The following CIC variants were observed in gnomAD, a reference collection of about 807,000 sequenced individuals.
CIC encodes the protein capicua transcriptional repressor.
Under a neutral mutation model 115.7 loss-of-function variants are expected in CIC, and 18 were observed. The ratio of observed to expected loss-of-function variants is 0.16; its 90% CI spans 0.11 to 0.23. The LOEUF is 0.23. Ranked by LOEUF, CIC falls within the 10% of genes least tolerant of loss-of-function variation. The pLI is 1.00. For synonymous variants in CIC, 1,076 were observed against 923.0 expected (o/e 1.17, Z -3.01); for missense variants, 2,000 against 2,159.3 (o/e 0.93, Z 1.46).
In CIC at chr19:42,289,296, C is replaced by T. The variant is rs200659564; in HGVS notation, c.3977C>T (p.Pro1326Leu). Residue 1326 changes from proline (P) to leucine (L), a missense_variant, in exon 9 of 21, where the codon CCG becomes CTG. Pro to Leu is a moderately conservative substitution (Grantham distance 98). Transcript: ENST00000681038. ...GGALAATGRP[P>L]LLPTRASRSQ... Reference sequence around the variant, plus strand: ...GCCTTGGCGGCCACTGGGCGGCCCCCGCTGCTGCCCACCCGAGCTTCTCGT... The same window carrying T: ...GCCTTGGCGGCCACTGGGCGGCCCCTGCTGCTGCCCACCCGAGCTTCTCGT... The T allele has an allele frequency of 1.2e-5, 20 of 1,613,978 alleles. No individual in the cohort carries two copies. The highest frequency in any genetic ancestry group is 5.5e-5 in the South Asian group (5 of 91,090).
chr19:42,278,363 T>C (rs983529397), intron 2 of CIC, among the ~76,000 whole-genome samples: 1 of 152,240 alleles, frequency 6.6e-6, no homozygotes, highest in Non-Finnish European at 1.5e-5. Flanking sequence ...CTCCTGGGCC[T>C]CTGTCTGGCG....
At position 42,295,771 on chromosome 19, in the gene CIC, G is replaced by A. The variant is rs755085781; in HGVS notation, c.*580G>A. The A allele has an allele frequency of 1.2e-4, 26 of 211,458 alleles. No homozygotes were observed. The highest frequency in any genetic ancestry group is 2.1e-4 in the Non-Finnish European group (22 of 104,214). The allele number at this position is 211,458 out of a possible 1,614,324, so 13.1% of individuals were successfully genotyped here. On this transcript the variant is annotated 3_prime_UTR_variant, in exon 21 of 21. Transcript: ENST00000681038. ...TCTTACTGTGCCGAGAAGCCGCAAT[G>A]AGCGAGATTAAAGCTGTTTAACACA...
chr19:42,295,143 G>GGGGCGCCCCC lies in CIC; in HGVS notation c.7506_7507insGGGCGCCCCC (p.Pro2503GlyfsTer23). 1.4e-6 allele frequency: 2 copies of GGGGCGCCCCC among 1,382,732 alleles called. No homozygotes were observed. The highest frequency in any genetic ancestry group is 9.6e-7 in the Non-Finnish European group (1 of 1,037,820). The allele number at this position is 1,382,732 out of a possible 1,614,324, so 85.7% of individuals were successfully genotyped here. ...AGCCTGGCTGGGAGGGGGCTCCCCAGCCCTCCCCCCCACCCCCAGGTCCCT... is the reference window on the plus strand; with the variant it reads ...AGCCTGGCTGGGAGGGGGCTCCCCAGGGGCGCCCCCCCCTCCCCCCCACCCCCAGGTCCCT... On this transcript the variant is annotated frameshift_variant, in exon 21 of 21. Coordinates refer to ENST00000681038, the MANE Select transcript of CIC (RefSeq NM_001386298.1). LOFTEE classifies it high-confidence loss of function.
At chr19:42,289,981 T>A in intron 10 of CIC, 30 bp downstream of exon 10, 1 of 1,529,300 alleles carries the variant, frequency 6.5e-7, no homozygotes, top group Non-Finnish European at 9.0e-7. Context: ...TGCTGTCCCA[T>A]CACACTCCCT....
rs199576279 is a variant in CIC at position 42,290,386 on chromosome 19, G to C, written c.4345G>C (p.Ala1449Pro). 8.1e-6 allele frequency: 13 copies of C among 1,613,968 alleles called. No individual in the cohort carries two copies. Among genetic ancestry groups the C allele is most frequent in the Non-Finnish European group, 1.1e-5 (13 of 1,179,982 alleles). ...SAPSSSASSPASSSASAATSF... is the reference protein window; with the variant it reads ...SAPSSSASSPPSSSASAATSF... ...CCCATCCTCCTCTGCGTCCTCGCCT[G>C]CTTCCTCCTCAGCCTCGGCAGCCAC... The change falls in exon 11 of 21, where the codon GCT (alanine) becomes CCT (proline). Residue 1449 changes from alanine to proline, a missense_variant. Physicochemically the swap from Ala to Pro is conservative, Grantham distance 27. Transcript: ENST00000681038.
rs1181589598 is a variant in CIC at position 42,291,729 on chromosome 19, C to T, written c.5597C>T (p.Ala1866Val). 1 of 1,613,016 alleles carries T rather than the reference C, an allele frequency of 6.2e-7. No individual in the cohort carries two copies. The highest frequency in any genetic ancestry group is 1.1e-5 in the South Asian group (1 of 91,088). ...PPFSVPVQNGAQPPSKIIQLT... is the reference protein window; with the variant it reads ...PPFSVPVQNGVQPPSKIIQLT... ...TTCTCAGTACCTGTGCAGAATGGTG[C>T]CCAGCCCCCCAGCAAGGTGAGGGCC... Residue 1866 changes from alanine (A) to valine (V), a missense_variant, in exon 12 of 21, where the codon GCC (alanine) becomes GTC (valine). Transcript: ENST00000681038.
chr19:42,279,974 G>C (rs1362943507), intron 2 of CIC: 2 of 152,770 alleles, frequency 1.3e-5, no homozygotes, highest in Non-Finnish European at 2.9e-5. Flanking sequence ...CAGCAGGCGC[G>C]CGCATGCGCG....
rs1410729863 is a variant in CIC, at chr19:42,274,087, C to G, written c.2304C>G (p.Ser768=). The change falls in exon 2 of 21, where the codon TCC becomes TCG. Residue 768 remains serine, a synonymous_variant. Transcript: ENST00000681038. ...PSTPAGFRAV[S]PAVPFSRSRQ... ...CGCCGGCTGGCTTCCGGGCCGTGTC[C>G]CCTGCTGTGCCCTTCTCTCGCTCCC... The G allele has an allele frequency of 7.5e-6, 3 of 399,942 alleles. No homozygotes were observed. The highest frequency in any genetic ancestry group is 1.3e-5 in the Non-Finnish European group (3 of 226,950). The allele number at this position is 399,942 out of a possible 1,614,324, so 24.8% of individuals were successfully genotyped here.
chr19:42,293,728 G>C lies in CIC; in HGVS notation c.6659G>C (p.Ser2220Thr). ...VAPGGSSESS[S>T]GRAAGDTPER... ...CCTGGTGGCAGCAGCGAGAGCAGCA[G>C]TGGGCGGGCAGCCGGGGACACCCCG... Residue 2220 changes from serine to threonine, a missense_variant, in exon 17 of 21, where the codon AGT (serine) becomes ACT (threonine). Ser to Thr is a moderately conservative substitution (Grantham distance 58, BLOSUM62 1). Around this residue, in one of 8 missense-constraint regions of CIC, gnomAD observed 1,466 missense variants for 1,390.4 expected, o/e 1.05. Transcript: ENST00000681038. The C allele has an allele frequency of 6.2e-7, 1 of 1,612,954 alleles. No individual in the cohort carries two copies. The highest frequency in any genetic ancestry group is 8.5e-7 in the Non-Finnish European group (1 of 1,179,822).
intron 1 of CIC, among the ~76,000 whole-genome samples, chr19:42,271,332 C>A (rs1023845028): frequency 1.3e-5 from 2 of 152,208 alleles, no homozygotes; most frequent in African/African-American, 4.8e-5. Context: ...CAAGTTGTCT[C>A]ATCTTTTTGT....
At chr19:42,276,462 G>A (rs753215142) in intron 2 of CIC, among the ~76,000 whole-genome samples, 23 of 152,258 alleles carry the variant, frequency 1.5e-4, no homozygotes, top group Admixed American at 3.9e-4. Context: ...GGTAGGAGCC[G>A]CTGTGGCTTG....
intron 2 of CIC, among the ~76,000 whole-genome samples, chr19:42,285,138 A>G (rs1253775003): frequency 1.3e-5 from 2 of 152,108 alleles, no homozygotes; most frequent in Admixed American, 1.3e-4. Flanking sequence ...GACAGGGCTC[A>G]GGAAGCGAGT....
In CIC at chr19:42,273,831, C is replaced by T. The variant is rs917523856; in HGVS notation, c.2048C>T (p.Pro683Leu). 1.3e-5 allele frequency: 5 copies of T among 398,730 alleles called. No homozygotes were observed. Among genetic ancestry groups the T allele is most frequent in the African/African-American group, 4.1e-5 (2 of 48,606 alleles). The allele number at this position is 398,730 out of a possible 1,614,324, so 24.7% of individuals were successfully genotyped here. A position where few individuals can be genotyped will look rare whatever the true frequency, so the allele number is the denominator to read the frequency against. Reference sequence around the variant, plus strand: ...CCACCAGACCTGGGCCCCCACCCACCGCCACCTGCCCCCCGAGAGCGCCAC... The same window carrying T: ...CCACCAGACCTGGGCCCCCACCCACTGCCACCTGCCCCCCGAGAGCGCCAC... ...LTPPDLGPHP[P>L]PPAPRERHSS... Residue 683 changes from proline (P) to leucine (L), a missense_variant, in exon 2 of 21, where the codon CCG becomes CTG. Coordinates refer to ENST00000681038, the MANE Select transcript of CIC (RefSeq NM_001386298.1).
intron 11 of CIC, 28 bp downstream of exon 11, chr19:42,291,494 G>A (rs375429920): frequency 1.9e-6 from 3 of 1,613,136 alleles, no homozygotes; most frequent in African/African-American, 1.3e-5. Flanking sequence ...CAGCACTAGG[G>A]GAGGGGCCAT....
intron 12 of CIC, 45 bp from the exon 13 acceptor site, chr19:42,292,041 C>G (rs759010577): frequency 6.2e-7 from 1 of 1,612,160 alleles, no homozygotes; most frequent in Non-Finnish European, 8.5e-7. Flanking sequence ...CTGCCCCAGT[C>G]TGGGGCCACA....
At chr19:42,286,002 A>C (rs1262555510) in intron 2 of CIC, among the ~76,000 whole-genome samples, 3 of 152,196 alleles carry the variant, frequency 2.0e-5, no homozygotes, top group African/African-American at 4.8e-5. Flanking sequence ...CAAGGAGTTT[A>C]CCACACCCTC....
At position 42,281,358 on chromosome 19, in the gene CIC, T is replaced by A. The variant is rs558539749; in HGVS notation, c.2795-5413T>A. ...CATCCCTGGCTGCTCGCCCCAGGCC[T>A]CTGGGCAGGCCTCAGCCTGTACCGC... On this transcript the variant is annotated intron_variant, in intron 2 of 20. Transcript: ENST00000681038. 1.4e-4 allele frequency among the ~76,000 whole-genome samples: 22 copies of A among 152,298 alleles called. No individual in the cohort carries two copies. The East Asian group carries it at 4.3e-3, about 29-fold the overall frequency.
In CIC at chr19:42,292,072, G is replaced by A. The variant is rs968914980; in HGVS notation, c.5614-14G>A. ...CCACAGCTCACCCTGGCCTATGGGT[G>A]CCCTTCTCCACAGATCATCCAGCTG... On this transcript the variant is annotated splice_polypyrimidine_tract_variant and intron_variant, in intron 12 of 20. Coordinates refer to ENST00000681038, the MANE Select transcript of CIC (RefSeq NM_001386298.1). 10 of 1,613,312 alleles carry A rather than the reference G, an allele frequency of 6.2e-6. No homozygotes were observed. The highest frequency in any genetic ancestry group is 1.3e-5 in the African/African-American group (1 of 75,020).
At chr19:42,288,236 G>A (rs1017544545) in intron 7 of CIC, among the ~76,000 whole-genome samples, 16 of 152,264 alleles carry the variant, frequency 1.1e-4, no homozygotes, top group African/African-American at 2.9e-4. Context: ...GGCACTACAG[G>A]GAATATAAGC....
Sources: allele counts gnomAD v4.1 joint callset (sites outside exome capture counted in the v4.1 genomes callset), GRCh38; gene constraint gnomAD v4.1.1; regional missense constraint gnomAD v4.1.1; transcripts MANE v1.5; gene names NCBI Gene and HGNC (gene_info 2026-07-23, HGNC 2026-07-21).